The following MAGI1 variants were observed in gnomAD, a reference collection of about 807,000 sequenced individuals.
MAGI1 encodes membrane-associated guanylate kinase, WW and PDZ domain-containing protein 1.
MAGI1 carries 58 observed loss-of-function variants against 139.9 expected under a neutral mutation model. That is an observed-to-expected ratio of 0.41 (90% CI 0.34 to 0.52). The LOEUF is 0.52. Among genes scored for constraint, MAGI1 ranks in the 20% least tolerant of loss-of-function variants. MAGI1 has a pLI of 0.12. For synonymous variants in MAGI1, 812 were observed against 737.9 expected (o/e 1.10, Z -1.63); for missense variants, 1,874 against 1,901.6 (o/e 0.99, Z 0.27).
intron 1 of MAGI1, among the ~76,000 whole-genome samples, chr3:65,914,580 A>G (rs1306113988): frequency 6.6e-6 from 1 of 152,208 alleles, no homozygotes; most frequent in East Asian, 1.9e-4. Flanking sequence ...GACAAAACAA[A>G]ACAGGTGCAG....
chr3:65,423,163 C>T (rs1162535867), intron 12 of MAGI1, among the ~76,000 whole-genome samples: 2 of 152,162 alleles, frequency 1.3e-5, no homozygotes, highest in Admixed American at 6.5e-5. Flanking sequence ...TATACACAAC[C>T]TGAATTCCCC....
intron 8 of MAGI1, among the ~76,000 whole-genome samples, chr3:65,440,846 C>CATAT (rs1553644409): frequency 1.2e-4 from 4 of 32,118 alleles, no homozygotes; most frequent in Non-Finnish European, 2.9e-4. Context: ...TACATATATA[C>CATAT]ATATGTATAC....
chr3:65,898,542 G>A (rs1372559053), intron 1 of MAGI1, among the ~76,000 whole-genome samples: 1 of 152,102 alleles, frequency 6.6e-6, no homozygotes. Flanking sequence ...ATTGTTGACA[G>A]GTATAGAAAA....
chr3:65,936,962 G>C lies in MAGI1; in HGVS notation c.313+101034C>G, dbSNP rs1489888861. Among the ~76,000 whole-genome samples, 4 of 150,350 alleles carry C rather than the reference G, an allele frequency of 2.7e-5. No individual in the cohort carries two copies. In the South Asian group the frequency reaches 6.3e-4, roughly 24 times the overall value. On this transcript the variant is annotated intron_variant, in intron 1 of 22. Coordinates refer to ENST00000402939, the MANE Select transcript of MAGI1 (RefSeq NM_001033057.2). ...TGGTGGTGGTGATGGTGATGGTGGT[G>C]GTGGTGGTGATGGTGGTGGTGGTGG...
chr3:65,995,892 G>A (rs1167890487), intron 1 of MAGI1, among the ~76,000 whole-genome samples: 2 of 152,184 alleles, frequency 1.3e-5, no homozygotes, highest in African/African-American at 4.8e-5. Flanking sequence ...TAGCTATTCA[G>A]GAGGCTGAGG....
At chr3:65,690,640 A>ATTTTTT (rs78131210) in intron 1 of MAGI1, among the ~76,000 whole-genome samples, 3 of 130,490 alleles carry the variant, frequency 2.3e-5, no homozygotes, top group African/African-American at 8.8e-5. Flanking sequence ...TGTATTTTTA[A>ATTTTTT]TTTTTTTTTT....
chr3:65,993,424 C>G (rs927853128), intron 1 of MAGI1, among the ~76,000 whole-genome samples: 1 of 152,066 alleles, frequency 6.6e-6, no homozygotes, highest in African/African-American at 2.4e-5. Context: ...TTAGAAGAAC[C>G]AGCAAGCCCT....
intron 1 of MAGI1, among the ~76,000 whole-genome samples, chr3:65,783,341 T>C (rs558264954): frequency 6.6e-6 from 1 of 152,188 alleles, no homozygotes; most frequent in South Asian, 2.1e-4. Context: ...CCCACTAGGA[T>C]GGCTACAATC....
At chr3:65,850,703 C>G (rs952189539) in intron 1 of MAGI1, among the ~76,000 whole-genome samples, 1 of 152,090 alleles carries the variant, frequency 6.6e-6, no homozygotes, top group African/African-American at 2.4e-5. Context: ...GAAAAGCCAC[C>G]GACACAGAAA....
At chr3:66,025,868 GA>G (rs1649169949) in intron 1 of MAGI1, among the ~76,000 whole-genome samples, 1 of 151,988 alleles carries the variant, frequency 6.6e-6, no homozygotes, top group South Asian at 2.1e-4. Context: ...ATTTCACCAG[GA>G]AAATACATAA....
intron 2 of MAGI1, among the ~76,000 whole-genome samples, chr3:65,581,279 G>A (rs1010325272): frequency 6.6e-6 from 1 of 151,912 alleles, no homozygotes; most frequent in African/African-American, 2.4e-5. Flanking sequence ...GATATGACTT[G>A]TATATGAACC....
chr3:65,624,849 G>A lies in MAGI1; in HGVS notation c.314-2761C>T, dbSNP rs559963110. 2.0e-5 allele frequency among the ~76,000 whole-genome samples: 3 copies of A among 152,232 alleles called. 1 individual carries two copies. The South Asian group carries it at 6.2e-4, about 32-fold the overall frequency. ...AGTTTTTAAAATGGGGAACACAAGG[G>A]AAGATTCTGGAGGAGATGCCAATAT... On this transcript the variant is annotated intron_variant, in intron 1 of 22. Coordinates refer to ENST00000402939, the MANE Select transcript of MAGI1 (RefSeq NM_001033057.2).
At chr3:66,033,479 T>TC (rs1200605655) in intron 1 of MAGI1, among the ~76,000 whole-genome samples, 2 of 152,002 alleles carry the variant, frequency 1.3e-5, no homozygotes, top group Non-Finnish European at 2.9e-5. Flanking sequence ...CAGAAGGAGG[T>TC]CACTGAGGAG....
intron 2 of MAGI1, among the ~76,000 whole-genome samples, chr3:65,612,595 G>A (rs962113225): frequency 6.6e-5 from 10 of 151,930 alleles, no homozygotes; most frequent in Non-Finnish European, 1.5e-4. Flanking sequence ...TTTAAATTTT[G>A]GGCAGCTCAT....
chr3:65,687,085 C>A (rs2088112221), intron 1 of MAGI1, among the ~76,000 whole-genome samples: 1 of 152,158 alleles, frequency 6.6e-6, no homozygotes, highest in Non-Finnish European at 1.5e-5. Flanking sequence ...ACTGACATCA[C>A]TTGGGAGTTA....
At chr3:65,569,264 T>C (rs902474289) in intron 2 of MAGI1, among the ~76,000 whole-genome samples, 4 of 152,196 alleles carry the variant, frequency 2.6e-5, no homozygotes, top group Admixed American at 6.5e-5. Flanking sequence ...GAATTGTGGT[T>C]ACCAGGGGCG....
chr3:65,625,293 T>A (rs1436979275), intron 1 of MAGI1, among the ~76,000 whole-genome samples: 1 of 152,196 alleles, frequency 6.6e-6, no homozygotes, highest in Non-Finnish European at 1.5e-5. Context: ...ATAAAATCGA[T>A]TTCAAAAGTT....
chr3:65,785,924 C>T (rs947035854), intron 1 of MAGI1, among the ~76,000 whole-genome samples: 2 of 151,686 alleles, frequency 1.3e-5, no homozygotes, highest in Admixed American at 1.3e-4. Flanking sequence ...CTTATTCCTG[C>T]TGTCATCTTA....
At chr3:65,536,637 C>G (rs78877869) in intron 2 of MAGI1, among the ~76,000 whole-genome samples, 1,975 of 152,262 alleles carry the variant, frequency 0.013, 47 homozygotes, top group African/African-American at 0.045. Flanking sequence ...TGACCCTGAG[C>G]AAGCTAATCA....
Sources: gnomAD v4.1 joint callset for allele counts (sites outside exome capture counted in the v4.1 genomes callset) on GRCh38, gnomAD v4.1.1 for gene constraint, MANE v1.5 for transcripts, NCBI Gene and HGNC (gene_info 2026-07-23, HGNC 2026-07-21) for gene names.